TMEM132B: variants seen among roughly 807,000 people sequenced by gnomAD.
TMEM132B encodes transmembrane protein 132B.
TMEM132B carries 18 observed loss-of-function variants against 90.8 expected under a neutral mutation model. The ratio of observed to expected loss-of-function variants is 0.20; its 90% CI spans 0.14 to 0.29. The LOEUF (loss-of-function observed/expected upper bound fraction) is 0.29, where lower values mean the gene tolerates loss of function less well. TMEM132B is among the 10% of genes least tolerant of loss of function. The pLI, the probability that TMEM132B is intolerant of heterozygous loss-of-function variation, is 1.00. For missense variants in TMEM132B, 1,096 were observed against 1,326.8 expected (o/e 0.83, Z 2.70); for synonymous variants, 504 against 523.3 (o/e 0.96, Z 0.50).
intron 2 of TMEM132B, among the ~76,000 whole-genome samples, chr12:125,356,297 T>C (rs754321538): frequency 6.6e-6 from 1 of 152,230 alleles, no homozygotes; most frequent in Non-Finnish European, 1.5e-5. Flanking sequence ...ACATACCAGC[T>C]GTGTGACTTT....
intron 1 of TMEM132B, among the ~76,000 whole-genome samples, chr12:125,221,830 T>G (rs7970411): frequency 0.07 from 10,597 of 152,252 alleles, 456 homozygotes; most frequent in African/African-American, 0.12. Context: ...AGGTCTGGTA[T>G]AACTTGGACA....
Position 125,355,614 on chromosome 12 carries a change from G to A in TMEM132B, c.959+5271G>A, listed in dbSNP as rs562391583. ...TGTCCATTTGTATATTCAGTCTCTCGAAATAAGATACTTTTCTTAGGCCTA... is the reference window on the plus strand; with the variant it reads ...TGTCCATTTGTATATTCAGTCTCTCAAAATAAGATACTTTTCTTAGGCCTA... On this transcript the variant is annotated intron_variant, in intron 2 of 8. Coordinates refer to ENST00000682704, the MANE Select transcript of TMEM132B (RefSeq NM_001366854.1). Among the ~76,000 whole-genome samples, 264 of 152,236 alleles carry A rather than the reference G, an allele frequency of 1.7e-3. 3 individuals are homozygous for A. Among genetic ancestry groups the A allele is most frequent in the South Asian group, 2.5e-3 (12 of 4,814 alleles).
At chr12:125,621,726 T>TG (rs2136970947) in intron 5 of TMEM132B, among the ~76,000 whole-genome samples, 1 of 152,256 alleles carries the variant, frequency 6.6e-6, no homozygotes, top group East Asian at 1.9e-4. Context: ...GTAGAGTCTG[T>TG]GGGGAACCAG....
At chr12:125,413,877 C>A (rs1879931194) in intron 2 of TMEM132B, among the ~76,000 whole-genome samples, 1 of 118,518 alleles carries the variant, frequency 8.4e-6, no homozygotes, top group Non-Finnish European at 1.7e-5. Context: ...AATTGCTAGA[C>A]CATATGGTAA....
chr12:125,636,035 G>T (rs923347298), intron 5 of TMEM132B, among the ~76,000 whole-genome samples: 4 of 152,106 alleles, frequency 2.6e-5, no homozygotes, highest in African/African-American at 9.7e-5. Flanking sequence ...GGGTGTGGGT[G>T]GTGGTGGTGA....
At chr12:125,494,996 G>A (rs1882508763) in intron 3 of TMEM132B, among the ~76,000 whole-genome samples, 1 of 95,054 alleles carries the variant, frequency 1.1e-5, no homozygotes, top group Admixed American at 1.3e-4. Context: ...AAATGGCTGT[G>A]TCCCTCCTCC....
At chr12:125,397,615 T>C (rs998091166) in intron 2 of TMEM132B, among the ~76,000 whole-genome samples, 1 of 152,248 alleles carries the variant, frequency 6.6e-6, no homozygotes, top group Admixed American at 6.5e-5. Flanking sequence ...GTGTATTTAA[T>C]GATTTTGCTG....
chr12:125,344,130 G>T (rs1051708496), intron 1 of TMEM132B, among the ~76,000 whole-genome samples: 30 of 152,288 alleles, frequency 2.0e-4, no homozygotes, highest in African/African-American at 7.0e-4. Context: ...TAGTAAACAA[G>T]GGAACAAGGA....
intron 3 of TMEM132B, among the ~76,000 whole-genome samples, chr12:125,489,222 G>A (rs1882287922): frequency 6.6e-6 from 1 of 152,126 alleles, no homozygotes; most frequent in Non-Finnish European, 1.5e-5. Flanking sequence ...GTTAGAGACT[G>A]ACAAAATATA....
chr12:125,570,735 A>G (rs1303572418), intron 4 of TMEM132B, among the ~76,000 whole-genome samples: 3 of 152,226 alleles, frequency 2.0e-5, no homozygotes, highest in Non-Finnish European at 4.4e-5. Context: ...ATTGGAGCCA[A>G]CATCCTTGCT....
intron 5 of TMEM132B, among the ~76,000 whole-genome samples, chr12:125,623,185 T>C (rs1886153870): frequency 6.6e-6 from 1 of 152,188 alleles, no homozygotes; most frequent in African/African-American, 2.4e-5. Flanking sequence ...ATTGTAAGCC[T>C]AGATATTTTC....
At chr12:125,507,127 T>A (rs1566057283) in intron 3 of TMEM132B, among the ~76,000 whole-genome samples, 2 of 152,192 alleles carry the variant, frequency 1.3e-5, no homozygotes, top group East Asian at 3.9e-4. Context: ...CTAGGCAGGG[T>A]TGGACACGAA....
chr12:125,512,048 C>T (rs757205802), intron 3 of TMEM132B, among the ~76,000 whole-genome samples: 2 of 152,062 alleles, frequency 1.3e-5, no homozygotes, highest in South Asian at 2.1e-4. Context: ...GAAATAGGTA[C>T]GTGAATTCTC....
At chr12:125,631,668 G>C (rs1054210770) in intron 5 of TMEM132B, among the ~76,000 whole-genome samples, 1 of 152,104 alleles carries the variant, frequency 6.6e-6, no homozygotes, top group Non-Finnish European at 1.5e-5. Flanking sequence ...GAGTGCTCCA[G>C]TGTTGGGAGC....
intron 1 of TMEM132B, among the ~76,000 whole-genome samples, chr12:125,284,488 C>T (rs1481931529): frequency 1.3e-5 from 2 of 152,198 alleles, no homozygotes; most frequent in African/African-American, 4.8e-5. Flanking sequence ...TCTTCCTCCC[C>T]CCTGCTCCCT....
intron 4 of TMEM132B, among the ~76,000 whole-genome samples, chr12:125,528,964 CCT>C (rs1883569287): frequency 2.1e-5 from 3 of 140,070 alleles, no homozygotes; most frequent in Admixed American, 1.5e-4. Flanking sequence ...TTTCTTCCCC[CCT>C]CTTTCTTTCT....
chr12:125,475,318 A>G (rs1377475318), intron 3 of TMEM132B, among the ~76,000 whole-genome samples: 2 of 152,112 alleles, frequency 1.3e-5, no homozygotes, highest in African/African-American at 2.4e-5. Context: ...TATTTTTTCC[A>G]AATAGCTGCT....
At chr12:125,296,605 A>T (rs1307527623) in intron 1 of TMEM132B, among the ~76,000 whole-genome samples, 1 of 152,178 alleles carries the variant, frequency 6.6e-6, no homozygotes, top group Non-Finnish European at 1.5e-5. Flanking sequence ...GGTCTCCCCC[A>T]ACAAGAACAT....
intron 4 of TMEM132B, among the ~76,000 whole-genome samples, chr12:125,527,212 A>ATCCATCCACCCATCCACCCT (rs1265463058): frequency 4.1e-5 from 4 of 96,764 alleles, no homozygotes; most frequent in African/African-American, 4.2e-5. Context: ...CCTTCCATCC[A>ATCCATCCACCCATCCACCCT]TCCATCCACC....
Sources: allele counts gnomAD v4.1 joint callset (sites outside exome capture counted in the v4.1 genomes callset), GRCh38; gene constraint gnomAD v4.1.1; transcripts MANE v1.5; gene names NCBI Gene and HGNC (gene_info 2026-07-23, HGNC 2026-07-21).